ACSL3: variants seen among roughly 807,000 people sequenced by gnomAD.
ACSL3 encodes the protein acyl-CoA synthetase long chain family member 3.
ACSL3 carries 34 observed loss-of-function variants against 84.7 expected under a neutral mutation model. The ratio of observed to expected loss-of-function variants is 0.40; its 90% confidence interval spans 0.31 to 0.53. ACSL3 has a LOEUF of 0.53. Among genes scored for constraint, ACSL3 ranks in the 20% least tolerant of loss-of-function variants. The pLI is 0.48. For missense variants in ACSL3, 680 were observed against 873.1 expected, an observed-to-expected ratio of 0.78 and a Z score of 2.79; for synonymous variants, 315 against 299.4, an observed-to-expected ratio of 1.05 and a Z score of -0.54.
At chr2:222,933,110 T>C in intron 14 of ACSL3, 56 bp from the exon 15 acceptor site, 2 of 1,059,812 alleles carry the variant, frequency 1.9e-6, no homozygotes, top group Non-Finnish European at 1.4e-6. Flanking sequence ...ATGTATTAAA[T>C]GTTACTAATA....
At chr2:222,894,056 G>C (rs970473543) in intron 2 of ACSL3, among the ~76,000 whole-genome samples, 1 of 151,996 alleles carries the variant, frequency 6.6e-6, no homozygotes, top group Non-Finnish European at 1.5e-5. Context: ...AGTTGTTACA[G>C]GGCATTTGAC....
intron 7 of ACSL3, among the ~76,000 whole-genome samples, chr2:222,919,658 T>A (rs1021472582): frequency 6.6e-6 from 1 of 152,216 alleles, no homozygotes; most frequent in South Asian, 2.1e-4. Context: ...ATGGTGACTC[T>A]ACAAGTTCCT....
intron 1 of ACSL3, among the ~76,000 whole-genome samples, chr2:222,867,626 A>G (rs1695185830): frequency 6.6e-6 from 1 of 152,198 alleles, no homozygotes; most frequent in Non-Finnish European, 1.5e-5. Flanking sequence ...ATGTAGATTT[A>G]GGTCATTTAT....
At chr2:222,865,347 C>G (rs1177700208) in intron 1 of ACSL3, among the ~76,000 whole-genome samples, 1 of 152,218 alleles carries the variant, frequency 6.6e-6, no homozygotes, top group Non-Finnish European at 1.5e-5. Flanking sequence ...ATTGAAGATA[C>G]TTAAATAACC....
In ACSL3 at chr2:222,944,289, GC is replaced by G. The variant is rs1193904249; in HGVS notation, c.*2637del. ...TTGCTGCTAAAATACTCAAGATTTTGCCATTTTTAAACAACCAGTCCCTGTG... is the reference window on the plus strand; with the variant it reads ...TTGCTGCTAAAATACTCAAGATTTTGCATTTTTAAACAACCAGTCCCTGTG... On this transcript the variant is annotated 3_prime_UTR_variant, in exon 17 of 17. Coordinates refer to ENST00000357430, the MANE Select transcript of ACSL3 (RefSeq NM_004457.5). 2.0e-5 allele frequency: 3 copies of G among 152,054 alleles called. No homozygotes were observed. Among genetic ancestry groups the G allele is most frequent in the Non-Finnish European group, 4.4e-5 (3 of 67,982 alleles). The allele number at this position is 152,054 out of a possible 1,614,324, so 9.4% of individuals were successfully genotyped here.
At chr2:222,866,966 C>G (rs959710776) in intron 1 of ACSL3, among the ~76,000 whole-genome samples, 1 of 151,538 alleles carries the variant, frequency 6.6e-6, no homozygotes, top group African/African-American at 2.4e-5. Flanking sequence ...TCCCGAGGAG[C>G]TGGAATTACA....
chr2:222,889,271 G>T (rs1429144555), intron 2 of ACSL3, among the ~76,000 whole-genome samples: 1 of 152,162 alleles, frequency 6.6e-6, no homozygotes, highest in African/African-American at 2.4e-5. Flanking sequence ...GGAAAAGGCC[G>T]TCAGAAACTG....
chr2:222,923,272 T>C, intron 10 of ACSL3, 123 bp downstream of exon 10: 6 of 803,146 alleles, frequency 7.5e-6, no homozygotes, highest in Non-Finnish European at 1.2e-5. Flanking sequence ...CCTTATTGAT[T>C]ATAAATATTG....
chr2:222,885,347 A>G (rs911035776), intron 1 of ACSL3, among the ~76,000 whole-genome samples: 7 of 152,194 alleles, frequency 4.6e-5, no homozygotes, highest in Admixed American at 1.3e-4. Flanking sequence ...GCCAAGATCT[A>G]TCTTGTTTGC....
intron 4 of ACSL3, among the ~76,000 whole-genome samples, chr2:222,914,420 G>T (rs533174701): frequency 2.6e-5 from 4 of 151,972 alleles, no homozygotes; most frequent in Admixed American, 2.6e-4. Context: ...TGTACTGCAC[G>T]TCTGGCTAAT....
intron 16 of ACSL3, among the ~76,000 whole-genome samples, chr2:222,935,056 T>C (rs1697136572): frequency 6.6e-6 from 1 of 152,234 alleles, no homozygotes; most frequent in African/African-American, 2.4e-5. Context: ...TGGTAGTTGG[T>C]TGTACTAATA....
chr2:222,918,841 G>A (rs1368558679), intron 6 of ACSL3, among the ~76,000 whole-genome samples: 7 of 151,674 alleles, frequency 4.6e-5, no homozygotes, highest in Admixed American at 4.6e-4. Context: ...TTTACCAAAG[G>A]CCAAGGGTAC....
chr2:222,909,187 A>G, intron 4 of ACSL3, 37 bp downstream of exon 4: 4 of 1,565,480 alleles, frequency 2.6e-6, no homozygotes, highest in Non-Finnish European at 3.5e-6. Context: ...ATTCTTTCGA[A>G]TAAAATATCC....
intron 2 of ACSL3, among the ~76,000 whole-genome samples, chr2:222,898,700 G>A (rs962157569): frequency 2.0e-5 from 3 of 152,136 alleles, no homozygotes; most frequent in African/African-American, 4.8e-5. Flanking sequence ...AGTGGCGGGC[G>A]CCTGTAGTCC....
chr2:222,917,878 A>G, intron 5 of ACSL3, 168 bp from the exon 6 acceptor site: 1 of 422,536 alleles, frequency 2.4e-6, no homozygotes, highest in Non-Finnish European at 4.2e-6. Context: ...AGTAGGTGTA[A>G]TGTTGATTAG....
rs115796744 is a variant in ACSL3, at chr2:222,936,847, A to G, written c.2005+2160A>G. On this transcript the variant is annotated intron_variant, in intron 16 of 16. Transcript: ENST00000357430. ...GGGACATCTTACATGGCGGCAGGCG[A>G]GAGAGCAAATGAAGAGAGAGAGAGA... Among the ~76,000 whole-genome samples the G allele has an allele frequency of 4.1e-3, 627 of 152,166 alleles. 4 individuals carry two copies. The highest frequency in any genetic ancestry group is 0.015 in the African/African-American group (608 of 41,508).
At chr2:222,910,192 G>C (rs904739322) in intron 4 of ACSL3, among the ~76,000 whole-genome samples, 1 of 152,218 alleles carries the variant, frequency 6.6e-6, no homozygotes, top group African/African-American at 2.4e-5. Flanking sequence ...TTAGATCGTG[G>C]AATAGTGTGT....
At chr2:222,890,260 G>C (rs1695813181) in intron 2 of ACSL3, among the ~76,000 whole-genome samples, 1 of 152,110 alleles carries the variant, frequency 6.6e-6, no homozygotes, top group South Asian at 2.1e-4. Flanking sequence ...GGGGTGGGAA[G>C]GGGAGTGGAG....
chr2:222,921,730 C>T (rs1008892310), intron 8 of ACSL3, among the ~76,000 whole-genome samples: 1 of 151,984 alleles, frequency 6.6e-6, no homozygotes, highest in Non-Finnish European at 1.5e-5. Context: ...TATCTAAATA[C>T]AATTCAGGTG....
Sources: allele counts gnomAD v4.1 joint callset (sites outside exome capture counted in the v4.1 genomes callset), GRCh38; gene constraint gnomAD v4.1.1; transcripts MANE v1.5; gene names NCBI Gene and HGNC (gene_info 2026-07-23, HGNC 2026-07-21).